Variants in ATRNL1 observed in about 807,000 individuals in gnomAD.
The protein encoded by ATRNL1 is attractin like 1, also known as attractin-like protein 1.
Under a neutral mutation model 182.7 loss-of-function variants are expected in ATRNL1, and 95 were observed. That is an observed-to-expected ratio of 0.52 (90% confidence interval 0.44 to 0.62). The LOEUF (loss-of-function observed/expected upper bound fraction) is 0.62. ATRNL1 is among the 20% of genes least tolerant of loss of function. ATRNL1 has a pLI of 0.00. For synonymous variants in ATRNL1, 576 were observed against 568.3 expected (o/e 1.01, Z -0.19); for missense variants, 1,471 against 1,679.5 (o/e 0.88, Z 2.17).
At chr10:115,199,626 T>C (rs1486407234) in intron 8 of ATRNL1, among the ~76,000 whole-genome samples, 1 of 152,060 alleles carries the variant, frequency 6.6e-6, no homozygotes, top group Non-Finnish European at 1.5e-5. Flanking sequence ...TATAAAAATA[T>C]CTTGATATCT....
chr10:115,291,553 TTTAAG>T (rs1485827798), intron 15 of ATRNL1, among the ~76,000 whole-genome samples: 2 of 152,172 alleles, frequency 1.3e-5, no homozygotes, highest in African/African-American at 4.8e-5. Context: ...AAATACCTAA[TTTAAG>T]TTTTTATCTT....
intron 26 of ATRNL1, among the ~76,000 whole-genome samples, chr10:115,561,690 G>GGTGGGT (rs1853736903): frequency 4.0e-5 from 2 of 50,506 alleles, no homozygotes; most frequent in African/African-American, 1.4e-4. Context: ...TGTGTGTGTG[G>GGTGGGT]GTGTGTGTGT....
chr10:115,315,897 C>T (rs1854277877), intron 18 of ATRNL1, among the ~76,000 whole-genome samples, 161 bp downstream of exon 18: 1 of 152,138 alleles, frequency 6.6e-6, no homozygotes, highest in Non-Finnish European at 1.5e-5. Flanking sequence ...CTATATCTAT[C>T]TCAGTTTATG....
chr10:115,899,647 A>G (rs1952301901), intron 28 of ATRNL1, among the ~76,000 whole-genome samples: 1 of 152,170 alleles, frequency 6.6e-6, no homozygotes, highest in Admixed American at 6.6e-5. Flanking sequence ...GCATATTAAT[A>G]TACCTCCATA....
At chr10:115,762,134 G>A (rs1229449505) in intron 27 of ATRNL1, among the ~76,000 whole-genome samples, 3 of 152,294 alleles carry the variant, frequency 2.0e-5, no homozygotes, top group Admixed American at 6.5e-5. Flanking sequence ...TGGGGAATAT[G>A]AGAAGTAGCT....
intron 10 of ATRNL1, among the ~76,000 whole-genome samples, chr10:115,257,700 C>T (rs1466198985): frequency 6.6e-6 from 1 of 152,172 alleles, no homozygotes; most frequent in African/African-American, 2.4e-5. Flanking sequence ...TTCTTTGTAG[C>T]ATCTATGGTC....
At chr10:115,209,633 T>C (rs987207501) in intron 8 of ATRNL1, among the ~76,000 whole-genome samples, 10 of 151,896 alleles carry the variant, frequency 6.6e-5, no homozygotes, top group African/African-American at 2.4e-4. Flanking sequence ...AGTGGTTTAC[T>C]TTTTTATAAA....
At chr10:115,913,628 G>A (rs528391582) in intron 28 of ATRNL1, among the ~76,000 whole-genome samples, 2 of 152,332 alleles carry the variant, frequency 1.3e-5, no homozygotes, top group South Asian at 2.1e-4. Context: ...CTAACTCATA[G>A]ATGGCTTTCA....
At chr10:115,904,412 G>A (rs1211985642) in intron 28 of ATRNL1, among the ~76,000 whole-genome samples, 1 of 152,206 alleles carries the variant, frequency 6.6e-6, no homozygotes, top group African/African-American at 2.4e-5. Context: ...CCTCAGAAGA[G>A]ATCAGCAACC....
chr10:115,235,169 C>A (rs1215279849), intron 9 of ATRNL1, among the ~76,000 whole-genome samples: 12 of 152,070 alleles, frequency 7.9e-5, no homozygotes, highest in African/African-American at 2.7e-4. Flanking sequence ...GTTAGGAATA[C>A]CAAAATGTCA....
intron 9 of ATRNL1, among the ~76,000 whole-genome samples, chr10:115,235,231 T>A (rs904634181): frequency 2.2e-4 from 33 of 152,214 alleles, no homozygotes; most frequent in African/African-American, 7.2e-4. Context: ...AAACCTTTTT[T>A]ATTGAGATAA....
chr10:115,701,028 A>G (rs1379453679), intron 26 of ATRNL1, among the ~76,000 whole-genome samples: 5 of 152,078 alleles, frequency 3.3e-5, no homozygotes, highest in Admixed American at 3.3e-4. Flanking sequence ...CACATGAAAC[A>G]TACTCTAAGA....
Position 115,120,230 on chromosome 10 carries a change from T to A in ATRNL1, c.339T>A (p.Tyr113Ter), listed in dbSNP as rs1554871177. 3.2e-6 allele frequency: 5 copies of A among 1,578,234 alleles called. No individual in the cohort carries two copies. Among genetic ancestry groups the A allele is most frequent in the Non-Finnish European group, 4.3e-6 (5 of 1,150,504 alleles). ...SGYLTDGPIN[Y>*]KYKTKCTWLI... ...ATTTAACAGATGGCCCAATTAACTA[T>A]AAATATAAAACTAAATGTACTTGGC... Residue 113 changes from tyrosine to a stop codon, truncating the protein, a stop_gained, in exon 2 of 29, where the codon TAT becomes TAA. Coordinates refer to ENST00000355044, the MANE Select transcript of ATRNL1 (RefSeq NM_207303.4). LOFTEE classifies it high-confidence loss of function.
At chr10:115,514,235 T>G (rs1256295621) in intron 24 of ATRNL1, among the ~76,000 whole-genome samples, 1 of 151,976 alleles carries the variant, frequency 6.6e-6, no homozygotes, top group Non-Finnish European at 1.5e-5. Flanking sequence ...AAGTGTCTCA[T>G]CACCCCCAAG....
In ATRNL1 at chr10:115,223,913, G is replaced by GTGTGTGTATA. The variant is rs71476115; in HGVS notation, c.1532+8034_1532+8035insGTGTGTATAT. ...TGTGTGTGTGTGTGTGTGTGTGTGTGTATATATATATATATATTTTTTTTT... is the reference window on the plus strand; with the variant it reads ...TGTGTGTGTGTGTGTGTGTGTGTGTGTGTGTGTATATATATATATATATATATTTTTTTTT... On this transcript the variant is annotated intron_variant, in intron 9 of 28. Transcript: ENST00000355044. 2.0e-3 allele frequency among the ~76,000 whole-genome samples: 111 copies of GTGTGTGTATA among 55,908 alleles called. 1 individual carries two copies. The highest frequency in any genetic ancestry group is 4.8e-3 in the African/African-American group (57 of 11,962). 36.7% of individuals were successfully genotyped at this position (55,908 alleles called of 152,430 possible).
At chr10:115,224,067 C>G (rs535151748) in intron 9 of ATRNL1, among the ~76,000 whole-genome samples, 1 of 150,642 alleles carries the variant, frequency 6.6e-6, no homozygotes, top group South Asian at 2.1e-4. Context: ...TCCTGAGTAG[C>G]TGGGACTACA....
At chr10:115,559,707 C>T (rs1348085121) in intron 26 of ATRNL1, among the ~76,000 whole-genome samples, 1 of 152,184 alleles carries the variant, frequency 6.6e-6, no homozygotes, top group African/African-American at 2.4e-5. Context: ...CAACCTTTTA[C>T]CATAACAACA....
chr10:115,291,549 C>G (rs1013351133), intron 15 of ATRNL1, among the ~76,000 whole-genome samples: 2 of 151,602 alleles, frequency 1.3e-5, no homozygotes, highest in South Asian at 4.2e-4. Flanking sequence ...ATGTAAATAC[C>G]TAATTTAAGT....
intron 27 of ATRNL1, among the ~76,000 whole-genome samples, chr10:115,841,667 A>G (rs1287408750): frequency 2.0e-5 from 3 of 152,130 alleles, no homozygotes; most frequent in Non-Finnish European, 4.4e-5. Flanking sequence ...TATTAATATG[A>G]ATTCTTCTCC....
Sources: allele counts gnomAD v4.1 joint callset (sites outside exome capture counted in the v4.1 genomes callset), GRCh38; gene constraint gnomAD v4.1.1; transcripts MANE v1.5; gene names NCBI Gene and HGNC (gene_info 2026-07-23, HGNC 2026-07-21).